TSNARE1: variants seen among roughly 807,000 people sequenced by gnomAD.
The protein encoded by TSNARE1 is t-SNARE domain containing 1.
TSNARE1 carries 49 observed loss-of-function variants against 62.0 expected under a neutral mutation model. That is an observed-to-expected ratio of 0.79 (90% CI 0.63 to 1.00). The LOEUF (loss-of-function observed/expected upper bound fraction) is 1.00, where lower values mean the gene tolerates loss of function less well. TSNARE1 is among the 50% of genes least tolerant of loss of function. TSNARE1 has a pLI of 0.00. For synonymous variants in TSNARE1, 328 were observed against 294.4 expected, an observed-to-expected ratio of 1.11 and a Z score of -1.17; for missense variants, 755 against 700.1, an observed-to-expected ratio of 1.08 and a Z score of -0.88.
Position 142,349,838 on chromosome 8 carries a change from C to T in TSNARE1, c.89-3946G>A, listed in dbSNP as rs185860956. Among the ~76,000 whole-genome samples, 914 of 152,268 alleles carry T rather than the reference C, an allele frequency of 6.0e-3. 9 individuals carry two copies. The highest frequency in any genetic ancestry group is 0.021 in the African/African-American group (857 of 41,544). On this transcript the variant is annotated intron_variant, in intron 2 of 13. Transcript: ENST00000524325. ...ACCCTGAGTTCACAAAGCTCATGAG[C>T]AGCAGGGTGGGCAGGGCTGAGACCA... is the stretch of plus-strand genomic sequence containing the variant.
At chr8:142,243,042 G>A (rs1817737695) in intron 12 of TSNARE1, among the ~76,000 whole-genome samples, 1 of 149,972 alleles carries the variant, frequency 6.7e-6, no homozygotes, top group South Asian at 2.1e-4. Context: ...CCAAAATGAA[G>A]TATCGCCTCA....
At chr8:142,383,742 G>A (rs1427384447) in intron 1 of TSNARE1, among the ~76,000 whole-genome samples, 1 of 152,192 alleles carries the variant, frequency 6.6e-6, no homozygotes, top group African/African-American at 2.4e-5. Flanking sequence ...ATCAAGGTGA[G>A]GAAACTGACC....
At chr8:142,245,500 G>A (rs1471958343) in intron 12 of TSNARE1, among the ~76,000 whole-genome samples, 2 of 152,198 alleles carry the variant, frequency 1.3e-5, no homozygotes, top group Non-Finnish European at 2.9e-5. Context: ...ATGAACTGTA[G>A]CTATGCATAA....
At chr8:142,338,399 G>A (rs1488457173) in intron 4 of TSNARE1, among the ~76,000 whole-genome samples, 1 of 152,208 alleles carries the variant, frequency 6.6e-6, no homozygotes, top group East Asian at 1.9e-4. Context: ...AGGAGCTTGA[G>A]GAGGGCACCC....
chr8:142,388,474 A>G (rs1447714762), intron 1 of TSNARE1, among the ~76,000 whole-genome samples: 1 of 149,092 alleles, frequency 6.7e-6, no homozygotes, highest in East Asian at 2.0e-4. Context: ...ACATGAATGG[A>G]TACCTTGAAA....
intron 1 of TSNARE1, among the ~76,000 whole-genome samples, chr8:142,385,926 A>G (rs552787856): frequency 3.9e-5 from 6 of 152,192 alleles, no homozygotes; most frequent in Non-Finnish European, 7.3e-5. Context: ...TGCAGGAAGA[A>G]TCCAGGTCCC....
At chr8:142,303,456 C>T (rs1210196671) in intron 9 of TSNARE1, among the ~76,000 whole-genome samples, 5 of 152,226 alleles carry the variant, frequency 3.3e-5, no homozygotes, top group Non-Finnish European at 4.4e-5. Context: ...GAGAGGACTG[C>T]GCCTTGGCCG....
chr8:142,348,088 G>GA (rs994476503), intron 2 of TSNARE1, among the ~76,000 whole-genome samples: 4 of 152,148 alleles, frequency 2.6e-5, no homozygotes, highest in African/African-American at 9.7e-5. Flanking sequence ...ACAAATTACA[G>GA]AAAAAATGTA....
intron 13 of TSNARE1, among the ~76,000 whole-genome samples, chr8:142,228,373 T>A (rs1459123374): frequency 6.6e-6 from 1 of 152,246 alleles, no homozygotes; most frequent in East Asian, 1.9e-4. Context: ...CCTGCCCGGC[T>A]GCAGCCCAGG....
chr8:142,269,758 G>C (rs1819358762), intron 12 of TSNARE1: 2 of 985,328 alleles, frequency 2.0e-6, no homozygotes, highest in Non-Finnish European at 1.2e-6. Flanking sequence ...AACCATCAGA[G>C]TGGAGGCCCC....
At chr8:142,379,975 G>A (rs1836615930) in intron 1 of TSNARE1, among the ~76,000 whole-genome samples, 1 of 152,236 alleles carries the variant, frequency 6.6e-6, no homozygotes, top group African/African-American at 2.4e-5. Flanking sequence ...GCCCCCAGCA[G>A]AGGAGAGAAC....
Position 142,311,295 on chromosome 8 carries a change from T to G in TSNARE1, c.1131+3089A>C, listed in dbSNP as rs1347670249. ...CTCCTGCCTCAGCCTCTCTAGTTTT[T>G]TTTTTTTTTTTTTTTTTTTGAGATG... On this transcript the variant is annotated intron_variant, in intron 9 of 13. Transcript: ENST00000524325. Among the ~76,000 whole-genome samples, 13 of 134,900 alleles carry G rather than the reference T, an allele frequency of 9.6e-5. No individual in the cohort carries two copies. In the East Asian group the frequency reaches 2.1e-3, roughly 22 times the overall value. 88.5% of individuals were successfully genotyped at this position (134,900 alleles called of 152,430 possible).
At chr8:142,281,673 G>A (rs1171970899) in intron 11 of TSNARE1, among the ~76,000 whole-genome samples, 3 of 152,070 alleles carry the variant, frequency 2.0e-5, no homozygotes, top group Non-Finnish European at 2.9e-5. Flanking sequence ...ACCTCTCTAG[G>A]GAAGCCAAGG....
intron 11 of TSNARE1, among the ~76,000 whole-genome samples, chr8:142,281,947 C>T (rs191142307): frequency 6.4e-4 from 98 of 152,336 alleles, no homozygotes; most frequent in African/African-American, 2.3e-3. Flanking sequence ...TAGGGCTTCT[C>T]CTGGGGACTC....
intron 13 of TSNARE1, among the ~76,000 whole-genome samples, chr8:142,228,140 C>T (rs993720159): frequency 6.6e-5 from 10 of 152,208 alleles, no homozygotes; most frequent in African/African-American, 2.2e-4. Flanking sequence ...CAGCAATGGC[C>T]AACATCTACC....
chr8:142,222,992 T>C (rs1178660609), intron 13 of TSNARE1, among the ~76,000 whole-genome samples: 26 of 124,836 alleles, frequency 2.1e-4, no homozygotes, highest in African/African-American at 7.9e-4. Context: ...ATTCACTCAC[T>C]CTCTCATTCA....
rs1327383324 is a variant in TSNARE1, at chr8:142,217,368, AAAGAAAAAAGG to A, written c.*12-5066_*12-5056del. Reference sequence around the variant, plus strand: ...GAAAGAAAGAAAGAAAGAAAGAAAGAAAGAAAAAAGGGAAAGAAAGAAAAAGCAAGCAAGCA... The same window carrying A: ...GAAAGAAAGAAAGAAAGAAAGAAAGAGAAAGAAAGAAAAAGCAAGCAAGCA... On this transcript the variant is annotated intron_variant, in intron 13 of 13. Coordinates refer to ENST00000524325, the MANE Select transcript of TSNARE1 (RefSeq NM_145003.5). Among the ~76,000 whole-genome samples, 982 of 144,974 alleles carry A rather than the reference AAAGAAAAAAGG, an allele frequency of 6.8e-3. 21 individuals carry two copies. Among genetic ancestry groups the A allele is most frequent in the East Asian group, 0.021 (102 of 4,748 alleles).
chr8:142,212,283 C>T lies in TSNARE1; in HGVS notation c.*42G>A, dbSNP rs548964637. ...GGTGCTCGGGGCTGGAGAGCCCACA[C>T]CACAGCCAGCTGACGGTTCAGCGGC... On this transcript the variant is annotated 3_prime_UTR_variant, in exon 14 of 14. Coordinates refer to ENST00000524325, the MANE Select transcript of TSNARE1 (RefSeq NM_145003.5). The T allele has an allele frequency of 6.6e-6, 1 of 152,402 alleles. No homozygotes were observed. The highest frequency in any genetic ancestry group is 2.1e-4 in the South Asian group (1 of 4,828). The allele number at this position is 152,402 out of a possible 1,614,324, so 9.4% of individuals were successfully genotyped here.
intron 13 of TSNARE1, among the ~76,000 whole-genome samples, chr8:142,219,897 G>A (rs1816126909): frequency 6.6e-6 from 1 of 152,174 alleles, no homozygotes; most frequent in Non-Finnish European, 1.5e-5. Context: ...GTGGATGGGT[G>A]CCAGCCCAGA....
Sources: gnomAD v4.1 joint callset for allele counts (sites outside exome capture counted in the v4.1 genomes callset) on GRCh38, gnomAD v4.1.1 for gene constraint, MANE v1.5 for transcripts, NCBI Gene and HGNC (gene_info 2026-07-23, HGNC 2026-07-21) for gene names.